The following IFT74 variants were observed in gnomAD, a reference collection of about 807,000 sequenced individuals.
IFT74 encodes intraflagellar transport protein 74 homolog.
A neutral mutation model predicts 96.7 loss-of-function variants in IFT74; 92 were observed. That is an observed-to-expected ratio of 0.95 (90% CI 0.80 to 1.13). IFT74 has a LOEUF of 1.13. IFT74 is among the 50% of genes most tolerant of loss of function. The pLI, the probability that IFT74 is intolerant of heterozygous loss-of-function variation, is 0.00. For missense variants in IFT74, 811 were observed against 698.2 expected, an observed-to-expected ratio of 1.16 and a Z score of -1.82; for synonymous variants, 223 against 213.2, an observed-to-expected ratio of 1.05 and a Z score of -0.40.
At chr9:26,948,080 A>G (rs1825804348) in intron 1 of IFT74, among the ~76,000 whole-genome samples, 1 of 151,884 alleles carries the variant, frequency 6.6e-6, no homozygotes, top group Non-Finnish European at 1.5e-5. Context: ...CACTTTTCTG[A>G]CTTCTCCCTT....
chr9:27,003,148 A>T (rs1828588253), intron 8 of IFT74, among the ~76,000 whole-genome samples: 1 of 151,802 alleles, frequency 6.6e-6, no homozygotes, highest in Non-Finnish European at 1.5e-5. Context: ...ATATCTTGCA[A>T]CTTTACTGAA....
chr9:27,055,917 A>G, intron 17 of IFT74, 145 bp downstream of exon 17: 1 of 586,716 alleles, frequency 1.7e-6, no homozygotes, highest in Non-Finnish European at 2.7e-6. Context: ...ATGTTTACAT[A>G]TGTAGTTGGA....
intron 1 of IFT74, among the ~76,000 whole-genome samples, chr9:26,958,279 G>C (rs778885960): frequency 1.3e-5 from 2 of 152,150 alleles, no homozygotes; most frequent in Non-Finnish European, 2.9e-5. Flanking sequence ...TAATACACAG[G>C]ATGCATGGTA....
chr9:27,062,672 C>T lies in IFT74; in HGVS notation c.1739C>T (p.Thr580Ile), dbSNP rs1460360315. The T allele has an allele frequency of 6.2e-7, 1 of 1,609,926 alleles. No homozygotes were observed. The change falls in exon 20 of 20, where the codon ACC becomes ATC. Residue 580 changes from threonine (T) to isoleucine (I), a missense_variant. By Grantham distance (89) the Thr-to-Ile change is moderately conservative. Coordinates refer to ENST00000380062, the MANE Select transcript of IFT74 (RefSeq NM_025103.4). ...TACCAGCCAATTAAGAAAAATGTGACCAAGCAGATTGCAGAGTACAATAAA... is the reference window on the plus strand; with the variant it reads ...TACCAGCCAATTAAGAAAAATGTGATCAAGCAGATTGCAGAGTACAATAAA... ...SDYQPIKKNV[T>I]KQIAEYNKTI...
intron 18 of IFT74, among the ~76,000 whole-genome samples, chr9:27,057,731 G>A (rs980270791): frequency 2.6e-5 from 4 of 152,022 alleles, no homozygotes; most frequent in Non-Finnish European, 5.9e-5. Flanking sequence ...GGTGGCGGGT[G>A]CCTGTAGTCC....
chr9:26,950,036 G>A (rs890895084), intron 1 of IFT74, among the ~76,000 whole-genome samples: 2 of 152,180 alleles, frequency 1.3e-5, no homozygotes, highest in Admixed American at 6.5e-5. Context: ...AATTAGGCTG[G>A]GTGAGGTGGC....
chr9:26,976,500 T>C (rs960912840), intron 2 of IFT74: 15 of 303,424 alleles, frequency 4.9e-5, no homozygotes, highest in Non-Finnish European at 7.8e-5. Flanking sequence ...CTAGACCCAA[T>C]TGGCTAAACA....
At chr9:26,957,859 T>C (rs1184816992) in intron 1 of IFT74, among the ~76,000 whole-genome samples, 1 of 151,884 alleles carries the variant, frequency 6.6e-6, no homozygotes, top group African/African-American at 2.4e-5. Context: ...AGTGGCGCGA[T>C]CTCGGCTCAC....
chr9:26,979,671 A>C (rs1439553270), intron 3 of IFT74, among the ~76,000 whole-genome samples: 2 of 147,460 alleles, frequency 1.4e-5, no homozygotes, highest in Non-Finnish European at 3.0e-5. Context: ...CATCTCTTAC[A>C]AGGTTTGAGA....
intron 2 of IFT74, among the ~76,000 whole-genome samples, chr9:26,964,140 A>G (rs1425612870): frequency 3.9e-5 from 5 of 129,820 alleles, no homozygotes; most frequent in African/African-American, 1.2e-4. Flanking sequence ...TGATTTTTGT[A>G]TAAGGTGTAA....
intron 8 of IFT74, chr9:26,997,990 T>C: frequency 6.2e-7 from 1 of 1,613,976 alleles, no homozygotes; most frequent in Non-Finnish European, 8.5e-7. Flanking sequence ...CCTGTTGAAT[T>C]ACATAGATGG....
chr9:26,962,816 C>A, intron 2 of IFT74, among the ~76,000 whole-genome samples: 1 of 149,842 alleles, frequency 6.7e-6, no homozygotes. Flanking sequence ...TCTGAATTTA[C>A]AAAAAATAAA....
chr9:26,999,573 C>T (rs761142921), intron 8 of IFT74: 2 of 1,413,258 alleles, frequency 1.4e-6, no homozygotes, highest in Non-Finnish European at 2.0e-6. Context: ...AGAAAATGTA[C>T]CTTTGAAAAT....
intron 2 of IFT74, chr9:26,976,869 G>A (rs1827151873): frequency 2.3e-6 from 1 of 440,044 alleles, no homozygotes; most frequent in Non-Finnish European, 4.5e-6. Context: ...CATACCTGAA[G>A]TAGAGAATCT....
intron 8 of IFT74, among the ~76,000 whole-genome samples, chr9:26,998,446 A>G (rs1828290858): frequency 1.3e-5 from 2 of 152,324 alleles, no homozygotes; most frequent in Middle Eastern, 3.4e-3. Flanking sequence ...GATACATACA[A>G]TTGAACAAAG....
intron 13 of IFT74, among the ~76,000 whole-genome samples, chr9:27,037,168 C>T (rs1480479340): frequency 1.4e-5 from 2 of 137,994 alleles, no homozygotes; most frequent in East Asian, 4.9e-4. Flanking sequence ...TGCAGTGAGC[C>T]AAGATCGTGC....
At chr9:26,987,312 A>G (rs1537639) in intron 6 of IFT74, among the ~76,000 whole-genome samples, 25,082 of 151,980 alleles carry the variant, frequency 0.17, 3,114 homozygotes, top group East Asian at 0.7. Context: ...GGCTGATCTC[A>G]AACTCCTGAC....
intron 17 of IFT74, 117 bp downstream of exon 17, chr9:27,055,889 A>T: frequency 1.6e-6 from 1 of 622,756 alleles, no homozygotes; most frequent in Non-Finnish European, 2.5e-6. Flanking sequence ...TTATATATAT[A>T]AGTGAGAAAA....
intron 12 of IFT74, among the ~76,000 whole-genome samples, chr9:27,022,668 C>T (rs531779497): frequency 3.0e-4 from 44 of 146,154 alleles, no homozygotes; most frequent in African/African-American, 1.1e-3. Context: ...TTTGAGACAG[C>T]GTCTTGCTCT....
Sources: allele counts gnomAD v4.1 joint callset (sites outside exome capture counted in the v4.1 genomes callset), GRCh38; gene constraint gnomAD v4.1.1; transcripts MANE v1.5; gene names NCBI Gene and HGNC (gene_info 2026-07-23, HGNC 2026-07-21).